TCP1: variants seen among roughly 807,000 people sequenced by gnomAD.
The protein encoded by TCP1 is T-complex protein 1 subunit alpha.
In TCP1, 6 loss-of-function variants were observed where a neutral mutation model predicts 54.7. The observed-to-expected ratio is 0.11, with a 90% CI of 0.06 to 0.22. The LOEUF is 0.22. TCP1 is among the 10% of genes least tolerant of loss of function. TCP1 has a pLI of 1.00. For synonymous variants in TCP1, 225 were observed against 229.7 expected (o/e 0.98, Z 0.19); for missense variants, 511 against 678.2 (o/e 0.75, Z 2.74).
chr6:159,783,792 ATT>A, intron 7 of TCP1, 147 bp downstream of exon 7: 1 of 1,044,754 alleles, frequency 9.6e-7, no homozygotes, highest in Non-Finnish European at 1.3e-6. Flanking sequence ...AAAAAGGCCG[ATT>A]TTCATATAGG....
intron 3 of TCP1, among the ~76,000 whole-genome samples, chr6:159,786,538 A>T (rs4709369): frequency 6.6e-6 from 1 of 152,180 alleles, no homozygotes; most frequent in Non-Finnish European, 1.5e-5. Context: ...ACCTATATTA[A>T]GCTATTATTT....
At chr6:159,781,909 A>G (rs1397774266) in intron 7 of TCP1, among the ~76,000 whole-genome samples, 2 of 152,250 alleles carry the variant, frequency 1.3e-5, no homozygotes, top group Non-Finnish European at 2.9e-5. Context: ...CAAGACTAGT[A>G]TATCATCTGT....
chr6:159,779,043 G>A lies in TCP1; in HGVS notation c.*2C>T. ...ATTGTTATAAATAAAAGGAACATCA[G>A]ATCAATCATTAAGGGCTCCAGAGTG... On this transcript the variant is annotated 3_prime_UTR_variant, in exon 12 of 12. Transcript: ENST00000321394. 1.2e-6 allele frequency: 2 copies of A among 1,611,458 alleles called. No individual in the cohort carries two copies. Among genetic ancestry groups the A allele is most frequent in the South Asian group, 2.2e-5 (2 of 90,928 alleles).
rs745340931 is a variant in TCP1 at position 159,779,300 on chromosome 6, T to C, written c.1455-39A>G. Reference sequence around the variant, plus strand: ...AGAATTATTTAACGGCCGCTTACAATTTCATTAGGTGGCCTATTAACTCCA... The same window carrying C: ...AGAATTATTTAACGGCCGCTTACAACTTCATTAGGTGGCCTATTAACTCCA... On this transcript the variant is annotated intron_variant, in intron 11 of 11. Coordinates refer to ENST00000321394, the MANE Select transcript of TCP1 (RefSeq NM_030752.3). The C allele has an allele frequency of 2.7e-5, 42 of 1,537,526 alleles. 1 individual carries two copies. In the South Asian group the frequency reaches 4.2e-4, roughly 15 times the overall value.
rs1335739786 is a variant in TCP1 at position 159,787,660 on chromosome 6, C to T, written c.279+83G>A. 4 of 1,521,188 alleles carry T rather than the reference C, an allele frequency of 2.6e-6. No individual in the cohort carries two copies. In the African/African-American group the frequency reaches 5.5e-5, roughly 21 times the overall value. The allele number at this position is 1,521,188 out of a possible 1,614,324, so 94.2% of individuals were successfully genotyped here. ...AATATGTAACTTATTTCTGACACAG[C>T]ACAAATGACCCACTTATGGCTTCAA... is the stretch of plus-strand genomic sequence containing the variant. On this transcript the variant is annotated intron_variant, in intron 3 of 11. Coordinates refer to ENST00000321394, the MANE Select transcript of TCP1 (RefSeq NM_030752.3).
rs116918008 is a variant in TCP1 at position 159,782,052 on chromosome 6, C to T, written c.798-942G>A. Among the ~76,000 whole-genome samples, 965 of 152,136 alleles carry T rather than the reference C, an allele frequency of 6.3e-3. 6 individuals are homozygous for T. Among genetic ancestry groups the T allele is most frequent in the Middle Eastern group, 0.024 (7 of 294 alleles). ...GTCAAATTTTATGGCTTGGGTGACT[C>T]CTGGAGTAAAATAAATAACAAGAGT... is the stretch of plus-strand genomic sequence containing the variant. On this transcript the variant is annotated intron_variant, in intron 7 of 11. Coordinates refer to ENST00000321394, the MANE Select transcript of TCP1 (RefSeq NM_030752.3).
In TCP1 at chr6:159,781,231, A is replaced by C. The variant is rs961590948; in HGVS notation, c.798-121T>G. 47 of 933,334 alleles carry C rather than the reference A, an allele frequency of 5.0e-5. No individual in the cohort carries two copies. The African/African-American group carries it at 8.0e-4, about 16-fold the overall frequency. 57.8% of individuals were successfully genotyped at this position (933,334 alleles called of 1,614,324 possible). On this transcript the variant is annotated intron_variant, in intron 7 of 11. Coordinates refer to ENST00000321394, the MANE Select transcript of TCP1 (RefSeq NM_030752.3). ...ATTGTATTATCCTTTGTTATCTCTG[A>C]CCAGAATTTAAATTAGTCCAATTCA...
At chr6:159,783,812 AC>A in intron 7 of TCP1, 128 bp downstream of exon 7, 2 of 1,260,166 alleles carry the variant, frequency 1.6e-6, no homozygotes, top group Non-Finnish European at 2.2e-6. Flanking sequence ...AGGTTGTATA[AC>A]CCCAAATCCC....
Position 159,778,797 on chromosome 6 carries a change from A to T in TCP1, c.*248T>A. On this transcript the variant is annotated 3_prime_UTR_variant, in exon 12 of 12. Coordinates refer to ENST00000321394, the MANE Select transcript of TCP1 (RefSeq NM_030752.3). ...TGCAGCCCTGTGCATTGGGGGTGGG[A>T]TGGGAATAGCAATGTGTGTTCAGAG... 6.2e-7 allele frequency: 1 copy of T among 1,614,178 alleles called. No homozygotes were observed. The highest frequency in any genetic ancestry group is 1.6e-4 in the Middle Eastern group (1 of 6,062).
rs139549011 is a variant in TCP1, at chr6:159,786,111, G to T, written c.280-114C>A. 101 of 780,642 alleles carry T rather than the reference G, an allele frequency of 1.3e-4. No individual in the cohort carries two copies. The East Asian group carries it at 2.2e-3, about 17-fold the overall frequency. 48.4% of individuals were successfully genotyped at this position (780,642 alleles called of 1,614,324 possible). On this transcript the variant is annotated intron_variant, in intron 3 of 11. Coordinates refer to ENST00000321394, the MANE Select transcript of TCP1 (RefSeq NM_030752.3). ...TTAACCAAAATGGTAGTGATGAAATGAATTAACTGGTTATTAGAAACCTGG... is the reference window on the plus strand; with the variant it reads ...TTAACCAAAATGGTAGTGATGAAATTAATTAACTGGTTATTAGAAACCTGG...
intron 3 of TCP1, 83 bp from the exon 4 acceptor site, chr6:159,786,080 A>G (rs1161027985): frequency 3.6e-6 from 4 of 1,108,238 alleles, no homozygotes; most frequent in East Asian, 5.0e-5. Context: ...AAATGGCCAT[A>G]TATTATTAAC....
chr6:159,785,867 A>G, intron 4 of TCP1, 33 bp downstream of exon 4: 1 of 1,491,712 alleles, frequency 6.7e-7, no homozygotes, highest in Non-Finnish European at 9.3e-7. Flanking sequence ...CTATTACATC[A>G]AAAAAAATTT....
Position 159,780,488 on chromosome 6 carries a change from ACTT to A in TCP1, c.1049_1051del (p.Glu350del), listed in dbSNP as rs746657080. 44 of 1,613,976 alleles carry A rather than the reference ACTT, an allele frequency of 2.7e-5. No individual in the cohort carries two copies. The highest frequency in any genetic ancestry group is 3.6e-5 in the Non-Finnish European group (43 of 1,179,996). ...ATCATCACAAATTCTCTCCTGTACC[ACTT>A]CTTCTGCCTGTCCCAACATTGCAGC... On this transcript the variant is annotated inframe_deletion, in exon 9 of 12. Coordinates refer to ENST00000321394, the MANE Select transcript of TCP1 (RefSeq NM_030752.3).
rs1395331720 is a variant in TCP1, at chr6:159,778,860, T to C, written c.*185A>G. 2 of 1,613,412 alleles carry C rather than the reference T, an allele frequency of 1.2e-6. No individual in the cohort carries two copies. The highest frequency in any genetic ancestry group is 1.1e-5 in the South Asian group (1 of 91,048). On this transcript the variant is annotated 3_prime_UTR_variant, in exon 12 of 12. Coordinates refer to ENST00000321394, the MANE Select transcript of TCP1 (RefSeq NM_030752.3). ...TTAAACTTTGAACAACCTCAATTTC[T>C]TTTTAAACTAATAAAGTACTAGGTT...
chr6:159,787,560 T>C (rs1331514625), intron 3 of TCP1, among the ~76,000 whole-genome samples, 183 bp downstream of exon 3: 1 of 152,024 alleles, frequency 6.6e-6, no homozygotes, highest in Non-Finnish European at 1.5e-5. Flanking sequence ...AATCTGTACC[T>C]AAGAAGCTTA....
At chr6:159,786,333 C>A (rs1430105100) in intron 3 of TCP1, among the ~76,000 whole-genome samples, 3 of 152,184 alleles carry the variant, frequency 2.0e-5, no homozygotes, top group Admixed American at 6.5e-5. Flanking sequence ...CATGAAGCCA[C>A]TGTGGATGTT....
chr6:159,786,269 G>A (rs1041953728), intron 3 of TCP1, among the ~76,000 whole-genome samples: 4 of 152,160 alleles, frequency 2.6e-5, no homozygotes, highest in African/African-American at 7.2e-5. Context: ...AACGCTGATG[G>A]GGGGAGGAAA....
chr6:159,779,605 AAG>A lies in TCP1; in HGVS notation c.1454+20_1454+21del, dbSNP rs1780523332. 1.9e-6 allele frequency: 3 copies of A among 1,584,428 alleles called. No individual in the cohort carries two copies. The African/African-American group carries it at 4.1e-5, about 22-fold the overall frequency. Reference sequence around the variant, plus strand: ...GCAACCTGTTCTGCAGAGGTTAACAAAGAGCGGGAAACCATGCTTACCATTTT... The same window carrying A: ...GCAACCTGTTCTGCAGAGGTTAACAAAGCGGGAAACCATGCTTACCATTTT... On this transcript the variant is annotated intron_variant, in intron 11 of 11. Coordinates refer to ENST00000321394, the MANE Select transcript of TCP1 (RefSeq NM_030752.3).
At chr6:159,787,089 A>AAAAAAAAAC (rs1189936616) in intron 3 of TCP1, among the ~76,000 whole-genome samples, 1 of 151,546 alleles carries the variant, frequency 6.6e-6, no homozygotes, top group African/African-American at 2.4e-5. Flanking sequence ...AAAAAAAAAA[A>AAAAAAAAAC]AAAGAGGTTT....
Sources: gnomAD v4.1 joint callset for allele counts (sites outside exome capture counted in the v4.1 genomes callset) on GRCh38, gnomAD v4.1.1 for gene constraint, MANE v1.5 for transcripts, NCBI Gene and HGNC (gene_info 2026-07-23, HGNC 2026-07-21) for gene names.